KCNMA1: variants seen among roughly 807,000 people sequenced by gnomAD.
KCNMA1 encodes the protein potassium calcium-activated channel subfamily M alpha 1.
A neutral mutation model predicts 140.0 loss-of-function variants in KCNMA1; 29 were observed. That is an observed-to-expected ratio of 0.21 (90% CI 0.15 to 0.28). The LOEUF is 0.28. Among genes scored for constraint, KCNMA1 ranks in the 10% least tolerant of loss-of-function variants. KCNMA1 has a pLI of 1.00. For synonymous variants in KCNMA1, 612 were observed against 611.9 expected (o/e 1.00, Z 0.00); for missense variants, 880 against 1,602.2 (o/e 0.55, Z 7.70).
intron 3 of KCNMA1, among the ~76,000 whole-genome samples, chr10:77,229,351 A>C (rs1295943615): frequency 2.6e-5 from 4 of 152,182 alleles, no homozygotes; most frequent in African/African-American, 9.7e-5. Context: ...AAAAAAAAAA[A>C]AAAAACTTTC....
chr10:76,889,982 C>T (rs532692127), intron 26 of KCNMA1, among the ~76,000 whole-genome samples: 1 of 152,224 alleles, frequency 6.6e-6, no homozygotes, highest in East Asian at 1.9e-4. Flanking sequence ...GTGATAGGCT[C>T]GTGTTGTCAA....
chr10:77,634,099 G>C, intron 1 of KCNMA1: 1 of 934,214 alleles, frequency 1.1e-6, no homozygotes, highest in Non-Finnish European at 1.3e-6. Flanking sequence ...ATAGACACCA[G>C]AGAGGTTAAA....
intron 1 of KCNMA1, among the ~76,000 whole-genome samples, chr10:77,521,114 C>T (rs1290377796): frequency 6.6e-6 from 1 of 152,146 alleles, no homozygotes; most frequent in South Asian, 2.1e-4. Flanking sequence ...GAGAAAGAAC[C>T]ATAACACACA....
At chr10:77,266,706 C>G (rs2063543508) in intron 2 of KCNMA1, among the ~76,000 whole-genome samples, 1 of 152,114 alleles carries the variant, frequency 6.6e-6, no homozygotes, top group African/African-American at 2.4e-5. Context: ...TTGAAAGACC[C>G]CAAGGATGCT....
intron 14 of KCNMA1, among the ~76,000 whole-genome samples, chr10:77,046,918 A>C (rs1450227936): frequency 6.6e-6 from 1 of 152,328 alleles, no homozygotes; most frequent in East Asian, 1.9e-4. Context: ...CAAAGGAAGA[A>C]AGCAGAAGAG....
At chr10:77,462,142 AC>A (rs1404126685) in intron 1 of KCNMA1, among the ~76,000 whole-genome samples, 1 of 152,064 alleles carries the variant, frequency 6.6e-6, no homozygotes, top group Non-Finnish European at 1.5e-5. Context: ...ACATGCACAC[AC>A]ATACACGCAT....
intron 20 of KCNMA1, among the ~76,000 whole-genome samples, chr10:76,962,875 G>A (rs1367548018): frequency 2.0e-5 from 3 of 152,154 alleles, no homozygotes; most frequent in Admixed American, 6.5e-5. Context: ...GATCCAAAAC[G>A]TGTGCAGTGA....
chr10:77,117,539 C>CAAAA (rs56926398), intron 6 of KCNMA1, among the ~76,000 whole-genome samples: 101 of 22,506 alleles, frequency 4.5e-3, no homozygotes, highest in African/African-American at 0.013. Context: ...GAGTCTATCT[C>CAAAA]AAAAAAAAAA....
intron 5 of KCNMA1, among the ~76,000 whole-genome samples, chr10:77,161,773 C>T (rs767662983): frequency 6.6e-6 from 1 of 152,164 alleles, no homozygotes; most frequent in Non-Finnish European, 1.5e-5. Context: ...CATGTTTACT[C>T]TTCTGTAGTA....
chr10:77,373,095 T>TC (rs1404884849), intron 2 of KCNMA1: 4 of 152,222 alleles, frequency 2.6e-5, no homozygotes, highest in African/African-American at 9.6e-5. Context: ...ATTAATTGAC[T>TC]CCCGTGTAGG....
At chr10:77,545,975 C>G (rs554213363) in intron 1 of KCNMA1, among the ~76,000 whole-genome samples, 2 of 152,282 alleles carry the variant, frequency 1.3e-5, no homozygotes, top group South Asian at 2.1e-4. Context: ...GGCACAGGCA[C>G]GGCTCTTCAC....
At chr10:77,591,473 A>T (rs2079139122) in intron 1 of KCNMA1, among the ~76,000 whole-genome samples, 1 of 152,204 alleles carries the variant, frequency 6.6e-6, no homozygotes, top group African/African-American at 2.4e-5. Context: ...CGAGACCAGC[A>T]TCATCAATAA....
At chr10:77,093,759 T>C (rs1269263821) in intron 9 of KCNMA1, among the ~76,000 whole-genome samples, 1 of 152,216 alleles carries the variant, frequency 6.6e-6, no homozygotes, top group Non-Finnish European at 1.5e-5. Flanking sequence ...TATGTTAAGA[T>C]AGACAGCAGG....
intron 1 of KCNMA1, among the ~76,000 whole-genome samples, chr10:77,465,295 C>T (rs1275799925): frequency 6.6e-6 from 1 of 152,154 alleles, no homozygotes; most frequent in Admixed American, 6.5e-5. Flanking sequence ...TACCTGCAGA[C>T]CCAGGGGCAC....
chr10:77,064,362 G>C (rs571208345), intron 14 of KCNMA1, among the ~76,000 whole-genome samples: 3 of 152,168 alleles, frequency 2.0e-5, no homozygotes, highest in African/African-American at 4.8e-5. Flanking sequence ...AATCATGTTG[G>C]GGGAAGGAGG....
intron 1 of KCNMA1, among the ~76,000 whole-genome samples, chr10:77,583,003 T>C (rs2076295971): frequency 6.6e-6 from 1 of 152,194 alleles, no homozygotes; most frequent in Non-Finnish European, 1.5e-5. Context: ...AGCATCTCCC[T>C]CCCCTCCTAC....
intron 5 of KCNMA1, among the ~76,000 whole-genome samples, chr10:77,129,368 T>C (rs1282201497): frequency 3.9e-5 from 6 of 152,164 alleles, no homozygotes; most frequent in Non-Finnish European, 8.8e-5. Flanking sequence ...TGTTAATCCA[T>C]CAGGATGTAT....
At chr10:77,531,759 G>C in intron 1 of KCNMA1, among the ~76,000 whole-genome samples, 1 of 152,214 alleles carries the variant, frequency 6.6e-6, no homozygotes. Context: ...AAGGGCTGGT[G>C]CTCAAAGTCA....
intron 3 of KCNMA1, among the ~76,000 whole-genome samples, chr10:77,235,065 G>A (rs2054933393): frequency 1.3e-5 from 2 of 152,178 alleles, no homozygotes; most frequent in Non-Finnish European, 2.9e-5. Flanking sequence ...ACGAGAAGAT[G>A]AATTTTGGAA....
Sources: allele counts gnomAD v4.1 joint callset (sites outside exome capture counted in the v4.1 genomes callset), GRCh38; gene constraint gnomAD v4.1.1; transcripts MANE v1.5; gene names NCBI Gene and HGNC (gene_info 2026-07-23, HGNC 2026-07-21).